The following SORL1 variants were observed in gnomAD, a reference collection of about 807,000 sequenced individuals.
The protein encoded by SORL1 is sortilin related receptor 1, also known as sortilin-related receptor.
A neutral mutation model predicts 273.7 loss-of-function variants in SORL1; 127 were observed. The ratio of observed to expected loss-of-function variants is 0.46; its 90% CI spans 0.40 to 0.54. SORL1 has a LOEUF of 0.54. Among genes scored for constraint, SORL1 ranks in the 20% least tolerant of loss-of-function variants. The pLI is 0.00. For synonymous variants in SORL1, 1,031 were observed against 1,067.4 expected (o/e 0.97, Z 0.66); for missense variants, 2,494 against 2,846.1 (o/e 0.88, Z 2.81).
chr11:121,529,590 T>C (rs74918317), intron 11 of SORL1, among the ~76,000 whole-genome samples: 7 of 152,014 alleles, frequency 4.6e-5, no homozygotes, highest in African/African-American at 1.4e-4. Context: ...GTTTTTTTTT[T>C]CTCTTTTTTG....
intron 44 of SORL1, among the ~76,000 whole-genome samples, chr11:121,621,453 GT>G (rs1056389675): frequency 6.6e-6 from 1 of 152,138 alleles, no homozygotes; most frequent in Non-Finnish European, 1.5e-5. Flanking sequence ...AGTGGCTATC[GT>G]TTTCTTTATT....
chr11:121,598,460 G>A (rs1863334659), intron 32 of SORL1, among the ~76,000 whole-genome samples: 1 of 152,214 alleles, frequency 6.6e-6, no homozygotes, highest in South Asian at 2.1e-4. Flanking sequence ...GGGCTAGCAC[G>A]ATGGTGGGTT....
intron 1 of SORL1, among the ~76,000 whole-genome samples, chr11:121,468,260 G>C (rs1021718069): frequency 6.6e-6 from 1 of 152,092 alleles, no homozygotes; most frequent in African/African-American, 2.4e-5. Flanking sequence ...TGGACTGTGC[G>C]GGCTGGAGTC....
At chr11:121,615,120 A>C in intron 41 of SORL1, 65 bp downstream of exon 41, 1 of 1,326,504 alleles carries the variant, frequency 7.5e-7, no homozygotes, top group Non-Finnish European at 1.0e-6. Flanking sequence ...ACGCCACCAC[A>C]CAACTCCAGG....
chr11:121,531,046 A>G (rs1225652708), intron 11 of SORL1, among the ~76,000 whole-genome samples: 1 of 151,514 alleles, frequency 6.6e-6, no homozygotes, highest in Non-Finnish European at 1.5e-5. Context: ...CTTTTCTCTC[A>G]TTCATTTCAC....
At chr11:121,542,231 A>G (rs1210694806) in intron 12 of SORL1, among the ~76,000 whole-genome samples, 1 of 152,224 alleles carries the variant, frequency 6.6e-6, no homozygotes, top group East Asian at 1.9e-4. Flanking sequence ...GAAAATTAAC[A>G]TGAACTCGGT....
At chr11:121,567,383 A>G (rs981445515) in intron 22 of SORL1, among the ~76,000 whole-genome samples, 1 of 152,156 alleles carries the variant, frequency 6.6e-6, no homozygotes, top group Non-Finnish European at 1.5e-5. Flanking sequence ...TTCATGTCAG[A>G]TGGCACAGGC....
intron 31 of SORL1, among the ~76,000 whole-genome samples, chr11:121,594,579 T>G (rs1863266455): frequency 1.3e-5 from 2 of 152,174 alleles, no homozygotes; most frequent in South Asian, 4.1e-4. Context: ...GTATCCTGTT[T>G]TCTTTTTTTC....
At chr11:121,531,376 A>C (rs11822577) in intron 11 of SORL1, among the ~76,000 whole-genome samples, 24,345 of 152,262 alleles carry the variant, frequency 0.16, 2,491 homozygotes, top group African/African-American at 0.29. Context: ...CCTGGGCAAC[A>C]GAGTGAGAAT....
At chr11:121,538,266 G>A (rs182610777) in intron 12 of SORL1, among the ~76,000 whole-genome samples, 4 of 151,770 alleles carry the variant, frequency 2.6e-5, no homozygotes, top group African/African-American at 9.7e-5. Context: ...AGTTCTGAAG[G>A]GTGCATGTCA....
chr11:121,491,446 G>A (rs1861551367), intron 5 of SORL1, among the ~76,000 whole-genome samples: 1 of 152,046 alleles, frequency 6.6e-6, no homozygotes, highest in African/African-American at 2.4e-5. Context: ...GGGTATGCTG[G>A]GTCAGTGGGT....
intron 1 of SORL1, among the ~76,000 whole-genome samples, chr11:121,460,563 T>C (rs755539228): frequency 2.6e-5 from 4 of 151,672 alleles, no homozygotes; most frequent in Non-Finnish European, 4.4e-5. Context: ...GCCCGGCTAA[T>C]TGTTTTGTAT....
intron 6 of SORL1, among the ~76,000 whole-genome samples, chr11:121,505,009 T>C (rs1861766272): frequency 6.6e-6 from 1 of 152,182 alleles, no homozygotes; most frequent in Non-Finnish European, 1.5e-5. Context: ...TGATGGATCT[T>C]TCTCATATGT....
chr11:121,517,663 A>G (rs927396969), intron 8 of SORL1, among the ~76,000 whole-genome samples: 14 of 152,256 alleles, frequency 9.2e-5, no homozygotes, highest in African/African-American at 3.1e-4. Context: ...ATGGCCCTTT[A>G]CAGAGTCATG....
chr11:121,611,213 C>A, intron 39 of SORL1, 55 bp downstream of exon 39: 2 of 1,208,944 alleles, frequency 1.7e-6, no homozygotes, highest in Non-Finnish European at 1.2e-6. Context: ...TGTATGGGAA[C>A]TGAAAGGACA....
At chr11:121,478,274 C>T (rs369184646) in intron 3 of SORL1, 31 bp downstream of exon 3, 22 of 1,605,696 alleles carry the variant, frequency 1.4e-5, no homozygotes, top group Non-Finnish European at 1.9e-5. Context: ...CCTGTCCCGA[C>T]TTCATGGGAC....
intron 32 of SORL1, among the ~76,000 whole-genome samples, chr11:121,599,577 G>A (rs1263588623): frequency 6.6e-6 from 1 of 152,258 alleles, no homozygotes; most frequent in Non-Finnish European, 1.5e-5. Flanking sequence ...AATTCAGATG[G>A]TGGGGGATAT....
intron 11 of SORL1, 54 bp downstream of exon 11, chr11:121,523,043 G>T (rs1862065197): frequency 5.0e-6 from 6 of 1,197,174 alleles, no homozygotes; most frequent in Middle Eastern, 2.3e-4. Context: ...ATTTGTGTGA[G>T]AATGTAGACT....
intron 3 of SORL1, among the ~76,000 whole-genome samples, chr11:121,480,681 A>T (rs1332875994): frequency 6.7e-6 from 1 of 148,566 alleles, no homozygotes; most frequent in Non-Finnish European, 1.5e-5. Context: ...CCTAGTGCAC[A>T]GATACCTATA....
Sources: gnomAD v4.1 joint callset for allele counts (sites outside exome capture counted in the v4.1 genomes callset) on GRCh38, gnomAD v4.1.1 for gene constraint, MANE v1.5 for transcripts, NCBI Gene and HGNC (gene_info 2026-07-23, HGNC 2026-07-21) for gene names.